UBE2J2: variants seen among roughly 807,000 people sequenced by gnomAD.
UBE2J2 encodes the protein ubiquitin conjugating enzyme E2 J2.
Under a neutral mutation model 28.6 loss-of-function variants are expected in UBE2J2, and 5 were observed. The observed-to-expected ratio is 0.17, with a 90% CI of 0.09 to 0.37. The LOEUF is 0.37. Ranked by LOEUF, UBE2J2 falls within the 10% of genes least tolerant of loss-of-function variation. The pLI is 1.00. For missense variants in UBE2J2, 226 were observed against 338.9 expected (o/e 0.67, Z 2.62); for synonymous variants, 138 against 139.7 (o/e 0.99, Z 0.09).
At chr1:1,269,114 G>T (rs1640021427) in intron 1 of UBE2J2, among the ~76,000 whole-genome samples, 1 of 151,412 alleles carries the variant, frequency 6.6e-6, no homozygotes, top group Non-Finnish European at 1.5e-5. Context: ...CAAGAGAGGA[G>T]GCTGGATCAG....
rs60924258 is a variant in UBE2J2, at chr1:1,271,974, C to CAAAAAAAAAAAAAAAAAAA, written c.-1+1673_-1+1691dup. Among the ~76,000 whole-genome samples, 13 of 27,616 alleles carry CAAAAAAAAAAAAAAAAAAA rather than the reference C, an allele frequency of 4.7e-4. 1 individual carries two copies. In the East Asian group the frequency reaches 5.9e-3, roughly 13 times the overall value. The allele number at this position is 27,616 out of a possible 152,430, so 18.1% of individuals were successfully genotyped here. A position where few individuals can be genotyped will look rare whatever the true frequency, so the allele number is the denominator to read the frequency against. ...GGGCAACAAGAGCGAAACTCCGTCT[C>CAAAAAAAAAAAAAAAAAAA]AAAAAAAAAAAAAAAAAAAAAAAAA... On this transcript the variant is annotated intron_variant, in intron 1 of 6. Coordinates refer to ENST00000349431, the MANE Select transcript of UBE2J2 (RefSeq NM_058167.3).
At chr1:1,259,786 G>A (rs1557554199) in intron 3 of UBE2J2, among the ~76,000 whole-genome samples, 1 of 152,098 alleles carries the variant, frequency 6.6e-6, no homozygotes, top group Non-Finnish European at 1.5e-5. Context: ...CAGTCACAGC[G>A]TGGCCCCACG....
chr1:1,265,291 CCTT>C (rs1340874192), intron 2 of UBE2J2, among the ~76,000 whole-genome samples: 1 of 152,190 alleles, frequency 6.6e-6, no homozygotes, highest in East Asian at 1.9e-4. Context: ...ACGCTGCTGT[CCTT>C]AATGCCTCAA....
intron 3 of UBE2J2, among the ~76,000 whole-genome samples, chr1:1,260,570 CCA>C (rs140487070): frequency 2.2e-4 from 33 of 152,232 alleles, no homozygotes; most frequent in Admixed American, 3.9e-4. Flanking sequence ...GCACCAAGAG[CCA>C]CACACACACA....
At chr1:1,260,388 C>T (rs74942270) in intron 3 of UBE2J2, among the ~76,000 whole-genome samples, 3,821 of 152,338 alleles carry the variant, frequency 0.025, 168 homozygotes, top group African/African-American at 0.087. Context: ...CAGGAAACAG[C>T]CAGTTGAGCG....
At chr1:1,265,591 GTT>G (rs59465136) in intron 2 of UBE2J2, among the ~76,000 whole-genome samples, 2 of 141,220 alleles carry the variant, frequency 1.4e-5, no homozygotes, top group East Asian at 2.1e-4. Flanking sequence ...GTGTGTGTGT[GTT>G]TTCTCTCCAT....
In UBE2J2 at chr1:1,273,159, C is replaced by T. The variant is rs571629552; in HGVS notation, c.-1+507G>A. On this transcript the variant is annotated intron_variant, in intron 1 of 6. Transcript: ENST00000349431. ...GGCGAGGCCCGGCGCCGCTTAGAGA[C>T]TTGTTCCGGGCTCGTGTCTCACTCG... The T allele has an allele frequency of 2.0e-5, 3 of 152,292 alleles. No individual in the cohort carries two copies. The East Asian group carries it at 5.8e-4, about 29-fold the overall frequency. 9.4% of individuals were successfully genotyped at this position (152,292 alleles called of 1,614,324 possible).
intron 3 of UBE2J2, chr1:1,263,064 A>G: frequency 2.5e-6 from 1 of 396,396 alleles, no homozygotes; most frequent in Non-Finnish European, 4.7e-6. Flanking sequence ...GGCCAGCTTC[A>G]GTGTTTACCC....
intron 1 of UBE2J2, among the ~76,000 whole-genome samples, chr1:1,272,070 C>T (rs1640180832): frequency 1.4e-5 from 2 of 147,160 alleles, no homozygotes; most frequent in Non-Finnish European, 3.0e-5. Context: ...GGGAGAATTA[C>T]TTGAACTCGG....
intron 2 of UBE2J2, among the ~76,000 whole-genome samples, chr1:1,264,513 C>T (rs768702329): frequency 2.0e-5 from 3 of 152,078 alleles, no homozygotes; most frequent in Non-Finnish European, 4.4e-5. Context: ...GGCTCATGCC[C>T]GTGATCCCAG....
chr1:1,255,460 C>G lies in UBE2J2; in HGVS notation c.523G>C (p.Asp175His), dbSNP rs1039214256. The G allele has an allele frequency of 3.1e-6, 5 of 1,611,456 alleles. No homozygotes were observed. Among genetic ancestry groups the G allele is most frequent in the Admixed American group, 3.3e-5 (2 of 59,912 alleles). Residue 175 changes from aspartate (D) to histidine (H), a missense_variant, in exon 7 of 7, where the codon GAC becomes CAC. Around this residue, in one of 3 missense-constraint regions of UBE2J2, gnomAD observed 133 missense variants for 161.5 expected, o/e 0.82. Transcript: ENST00000349431. ...EEIKQKQKAQ[D>H]ELSSRPQTLP... ...GTCTGGGGTCTGCTACTGAGTTCGTCTTGTGCTTTCTGTTTTTGTTTAATC... is the reference window on the plus strand; with the variant it reads ...GTCTGGGGTCTGCTACTGAGTTCGTGTTGTGCTTTCTGTTTTTGTTTAATC...
chr1:1,256,261 A>T, intron 5 of UBE2J2, 136 bp from the exon 6 acceptor site: 2 of 623,286 alleles, frequency 3.2e-6, no homozygotes, highest in East Asian at 5.6e-5. Flanking sequence ...TCTTCACAGC[A>T]AACTAACTTA....
chr1:1,255,418 C>A lies in UBE2J2; in HGVS notation c.565G>T (p.Val189Leu). 1.2e-6 allele frequency: 2 copies of A among 1,613,950 alleles called. No individual in the cohort carries two copies. The highest frequency in any genetic ancestry group is 1.7e-6 in the Non-Finnish European group (2 of 1,180,026). ...SRPQTLPLPD[V>L]VPDGETHLVQ... ...AGGTGCGTCTCCCCGTCTGGAACCA[C>A]GTCTGGCAAGGGGAGAGTCTGGGGT... The change falls in exon 7 of 7, where the codon GTG (valine) becomes TTG (leucine). Residue 189 changes from valine (V) to leucine (L), a missense_variant. Coordinates refer to ENST00000349431, the MANE Select transcript of UBE2J2 (RefSeq NM_058167.3).
intron 1 of UBE2J2, chr1:1,273,402 G>A (rs1485731748): frequency 1.3e-5 from 2 of 152,184 alleles, no homozygotes; most frequent in Non-Finnish European, 2.9e-5. Flanking sequence ...CCGTCCTGGG[G>A]CAGCTGCAAG....
At chr1:1,264,093 G>A (rs934202356) in intron 2 of UBE2J2, among the ~76,000 whole-genome samples, 3 of 152,190 alleles carry the variant, frequency 2.0e-5, no homozygotes, top group Admixed American at 6.5e-5. Context: ...CACAGCTAGT[G>A]ATGCGGGGCC....
At chr1:1,269,530 C>T (rs1426777675) in intron 1 of UBE2J2, among the ~76,000 whole-genome samples, 5 of 151,834 alleles carry the variant, frequency 3.3e-5, no homozygotes, top group East Asian at 1.9e-4. Context: ...GTGTGATCTC[C>T]GCTCACTGCA....
At chr1:1,256,643 G>A (rs1444027890) in intron 5 of UBE2J2, among the ~76,000 whole-genome samples, 1 of 152,192 alleles carries the variant, frequency 6.6e-6, no homozygotes, top group African/African-American at 2.4e-5. Context: ...AGCACTTTGG[G>A]AGGCCCAGGC....
intron 1 of UBE2J2, chr1:1,273,149 C>G (rs997375197): frequency 1.3e-5 from 2 of 152,138 alleles, no homozygotes; most frequent in Non-Finnish European, 2.9e-5. Context: ...GGCCCGGCGC[C>G]GCTTAGAGAC....
intron 3 of UBE2J2, among the ~76,000 whole-genome samples, chr1:1,259,619 G>C (rs1639436667): frequency 6.6e-6 from 1 of 152,138 alleles, no homozygotes; most frequent in East Asian, 1.9e-4. Context: ...CCAGAAGCGG[G>C]GCTGCCACCC....
Sources: gnomAD v4.1 joint callset for allele counts (sites outside exome capture counted in the v4.1 genomes callset) on GRCh38, gnomAD v4.1.1 for gene constraint, gnomAD v4.1.1 regional missense constraint, MANE v1.5 for transcripts, NCBI Gene and HGNC (gene_info 2026-07-23, HGNC 2026-07-21) for gene names.